The following SEC14L6 variants were observed in gnomAD, a reference collection of about 807,000 sequenced individuals.
SEC14L6 encodes the protein SEC14 like lipid binding 6.
In SEC14L6, 40 loss-of-function variants were observed where a neutral mutation model predicts 54.1. That is an observed-to-expected ratio of 0.74 (90% CI 0.57 to 0.96). SEC14L6 has a LOEUF of 0.96. SEC14L6 is among the 40% of genes least tolerant of loss of function. The pLI, the probability that SEC14L6 is intolerant of heterozygous loss-of-function variation, is 0.00. For synonymous variants in SEC14L6, 171 were observed against 198.4 expected (o/e 0.86, Z 1.16); for missense variants, 471 against 498.3 (o/e 0.95, Z 0.52).
chr22:30,543,258 G>A, intron 1 of SEC14L6: 1 of 1,593,884 alleles, frequency 6.3e-7, no homozygotes, highest in Non-Finnish European at 8.6e-7. Context: ...TCTGCGAGGT[G>A]GCCCACGTCA....
rs772014266 is a variant in SEC14L6, at chr22:30,525,633, G to T, written c.889C>A (p.Leu297Met). The stretch of plus-strand genomic sequence containing the variant: ...TACCTGAGCACACAGCCCGGGAACA[G>T]GATCTCGTTCTCCACCTGCAGGGAG... Reference protein sequence around the residue: ...GSSLQVENEILFPGCVLRWQF... With the variant: ...GSSLQVENEIMFPGCVLRWQF... Residue 297 changes from leucine (L) to methionine (M), a missense_variant, in exon 10 of 12, where the codon CTG becomes ATG. Physicochemically the swap from Leu to Met is conservative, Grantham distance 15. Coordinates refer to ENST00000402034, the MANE Select transcript of SEC14L6 (RefSeq NM_001193336.4). 2.5e-5 allele frequency: 41 copies of T among 1,608,954 alleles called. No homozygotes were observed. Among genetic ancestry groups the T allele is most frequent in the Non-Finnish European group, 2.5e-6 (3 of 1,177,968 alleles).
At chr22:30,536,689 G>T (rs1263944060) in intron 2 of SEC14L6, among the ~76,000 whole-genome samples, 1 of 152,014 alleles carries the variant, frequency 6.6e-6, no homozygotes, top group Non-Finnish European at 1.5e-5. Context: ...TACCTAATTG[G>T]GTTGAACAAG....
chr22:30,546,195 C>T (rs749750871), intron 1 of SEC14L6, among the ~76,000 whole-genome samples: 2 of 151,872 alleles, frequency 1.3e-5, no homozygotes, highest in Non-Finnish European at 2.9e-5. Flanking sequence ...CCAGCCTGAC[C>T]AACGTGGTTA....
chr22:30,542,478 A>AT lies in SEC14L6; in HGVS notation c.55-3577_55-3576insA, dbSNP rs995964593. 1.7e-5 allele frequency: 10 copies of AT among 575,258 alleles called. No homozygotes were observed. In the African/African-American group the frequency reaches 2.0e-4, roughly 12 times the overall value. 35.6% of individuals were successfully genotyped at this position (575,258 alleles called of 1,614,324 possible). On this transcript the variant is annotated intron_variant, in intron 1 of 11. Coordinates refer to ENST00000402034, the MANE Select transcript of SEC14L6 (RefSeq NM_001193336.4). ...TCGCAGCGCTGACCTCAGAAAAACAAGTTTGCGCAAAGTGGAGCGGGGACC... is the reference window on the plus strand; with the variant it reads ...TCGCAGCGCTGACCTCAGAAAAACAATGTTTGCGCAAAGTGGAGCGGGGACC...
rs1936678341 is a variant in SEC14L6 at position 30,523,730 on chromosome 22, G to A, written c.*1267C>T. On this transcript the variant is annotated 3_prime_UTR_variant, in exon 12 of 12. Transcript: ENST00000402034. ...CAGATTCTCAGATGCTATAACAGTG[G>A]GAGGGAACGTGTATGTGGAAGACAG... The A allele has an allele frequency of 6.6e-6, 1 of 152,168 alleles. No individual in the cohort carries two copies. The highest frequency in any genetic ancestry group is 2.1e-4 in the South Asian group (1 of 4,826). The allele number at this position is 152,168 out of a possible 1,614,324, so 9.4% of individuals were successfully genotyped here. A position where few individuals can be genotyped will look rare whatever the true frequency, so the allele number is the denominator to read the frequency against.
At position 30,523,169 on chromosome 22, in the gene SEC14L6, G is replaced by A. The variant is rs1936659821; in HGVS notation, c.*1828C>T. On this transcript the variant is annotated 3_prime_UTR_variant, in exon 12 of 12. Transcript: ENST00000402034. ...GGATTCCTGTAAAGTAGGCAATTAG[G>A]GAAGAACTTTGGCTGTCATTTGGGG... 1 of 152,180 alleles carries A rather than the reference G, an allele frequency of 6.6e-6. No homozygotes were observed. The highest frequency in any genetic ancestry group is 6.6e-5 in the Admixed American group (1 of 15,260). The allele number at this position is 152,180 out of a possible 1,614,324, so 9.4% of individuals were successfully genotyped here. A position where few individuals can be genotyped will look rare whatever the true frequency, so the allele number is the denominator to read the frequency against.
chr22:30,525,871 C>A lies in SEC14L6; in HGVS notation c.726G>T (p.Gly242=), dbSNP rs747364040. Residue 242 remains glycine, a synonymous_variant, in exon 9 of 12, where the codon GGG becomes GGT. Coordinates refer to ENST00000402034, the MANE Select transcript of SEC14L6 (RefSeq NM_001193336.4). ...ISPDQLPVEF[G]GTMTDPDGNP... ...TGCCATCGGGGTCAGTCATGGTCCCCCCAAACTCCACGGGCAGCTGGTCGG... is the reference window on the plus strand; with the variant it reads ...TGCCATCGGGGTCAGTCATGGTCCCACCAAACTCCACGGGCAGCTGGTCGG... 7 of 1,613,594 alleles carry A rather than the reference C, an allele frequency of 4.3e-6. No homozygotes were observed. In the African/African-American group the frequency reaches 8.0e-5, roughly 18 times the overall value.
intron 11 of SEC14L6, 42 bp downstream of exon 11, chr22:30,525,308 T>C: frequency 6.3e-7 from 1 of 1,599,968 alleles, no homozygotes; most frequent in East Asian, 2.3e-5. Flanking sequence ...ACCCTCCCCC[T>C]AGCCCCCAGC....
chr22:30,526,466 A>C (rs1249513328), intron 8 of SEC14L6, among the ~76,000 whole-genome samples: 1 of 152,246 alleles, frequency 6.6e-6, no homozygotes, highest in East Asian at 1.9e-4. Context: ...GGAACAAAGT[A>C]GACGAAAGCA....
Position 30,524,659 on chromosome 22 carries a change from G to A in SEC14L6, c.*338C>T, listed in dbSNP as rs899076073. The A allele has an allele frequency of 3.2e-5, 6 of 189,962 alleles. No homozygotes were observed. Among genetic ancestry groups the A allele is most frequent in the Admixed American group, 2.8e-4 (5 of 17,982 alleles). 11.8% of individuals were successfully genotyped at this position (189,962 alleles called of 1,614,324 possible). ...CCCAAAGTGCTGGGATTACAGGTAT[G>A]AGCCACCATGCCTGGCCTAATACTA... On this transcript the variant is annotated 3_prime_UTR_variant, in exon 12 of 12. Transcript: ENST00000402034.
intron 1 of SEC14L6, among the ~76,000 whole-genome samples, chr22:30,545,525 G>A (rs1251696567): frequency 2.0e-5 from 3 of 152,100 alleles, no homozygotes; most frequent in African/African-American, 7.2e-5. Flanking sequence ...CTCCCGAGTA[G>A]CTGGGACTAC....
chr22:30,541,531 C>G (rs549765919), intron 1 of SEC14L6, among the ~76,000 whole-genome samples: 1 of 152,104 alleles, frequency 6.6e-6, no homozygotes, highest in Admixed American at 6.5e-5. Flanking sequence ...TGGTGGCACA[C>G]GCCTGTGATC....
chr22:30,546,424 A>G lies in SEC14L6; in HGVS notation c.54+205T>C, dbSNP rs140774729. On this transcript the variant is annotated intron_variant, in intron 1 of 11. Transcript: ENST00000402034. Reference sequence around the variant, plus strand: ...AAAAAAAAGGAAGAAAGAAAATTTCAAATGACCTATGTGGCTTGCGTTTGT... The same window carrying G: ...AAAAAAAAGGAAGAAAGAAAATTTCGAATGACCTATGTGGCTTGCGTTTGT... 8.7e-3 allele frequency among the ~76,000 whole-genome samples: 1,318 copies of G among 151,008 alleles called. 13 individuals are homozygous for G. The highest frequency in any genetic ancestry group is 0.034 in the Middle Eastern group (10 of 290).
chr22:30,524,803 G>T lies in SEC14L6; in HGVS notation c.*194C>A. On this transcript the variant is annotated 3_prime_UTR_variant, in exon 12 of 12. Coordinates refer to ENST00000402034, the MANE Select transcript of SEC14L6 (RefSeq NM_001193336.4). ...GATGGAGTGTCTGTGTTGCTTTGCT[G>T]TGACCATCGGGCCACCACTAGGACA... The T allele has an allele frequency of 1.8e-6, 1 of 553,130 alleles. No homozygotes were observed. The highest frequency in any genetic ancestry group is 3.3e-6 in the Non-Finnish European group (1 of 306,206). 34.3% of individuals were successfully genotyped at this position (553,130 alleles called of 1,614,324 possible). A position where few individuals can be genotyped will look rare whatever the true frequency, so the allele number is the denominator to read the frequency against.
chr22:30,542,047 A>G (rs1277928152), intron 1 of SEC14L6, among the ~76,000 whole-genome samples: 1 of 152,164 alleles, frequency 6.6e-6, no homozygotes, highest in Non-Finnish European at 1.5e-5. Context: ...CAGGACGCGA[A>G]AGGGCAGGCC....
rs751646266 is a variant in SEC14L6 at position 30,532,790 on chromosome 22, T to A, written c.234+7A>T. On this transcript the variant is annotated splice_region_variant and intron_variant, in intron 4 of 11. Coordinates refer to ENST00000402034, the MANE Select transcript of SEC14L6 (RefSeq NM_001193336.4). ...GGGATCAGGGTATGGGTTTGAGAGA[T>A]GCTCACCTCTGGGGGCTGCCAGGCA... 6.2e-7 allele frequency: 1 copy of A among 1,612,524 alleles called. No homozygotes were observed. Among genetic ancestry groups the A allele is most frequent in the African/African-American group, 1.3e-5 (1 of 74,914 alleles).
At chr22:30,542,358 T>C (rs946324293) in intron 1 of SEC14L6, among the ~76,000 whole-genome samples, 1 of 151,914 alleles carries the variant, frequency 6.6e-6, no homozygotes, top group Non-Finnish European at 1.5e-5. Context: ...CTCTCGCCAG[T>C]GGGAAGCGGG....
intron 4 of SEC14L6, 41 bp from the exon 5 acceptor site, chr22:30,532,754 C>T: frequency 6.2e-7 from 1 of 1,602,602 alleles, no homozygotes. Flanking sequence ...GTGCCGAGGG[C>T]TGAGGGCCCA....
At position 30,546,661 on chromosome 22, in the gene SEC14L6, G is replaced by T; in HGVS notation, c.22C>A (p.Leu8Met). 6.4e-7 allele frequency: 1 copy of T among 1,550,514 alleles called. No individual in the cohort carries two copies. The highest frequency in any genetic ancestry group is 1.2e-5 in the South Asian group (1 of 84,064). MSGQVGD[L>M]SPSQEKSLAQ... ...AGCGACTTCTCCTGCGATGGGCTCA[G>T]GTCACCCACTTGTCCACTCATGCTG... The change falls in exon 1 of 12, where the codon CTG becomes ATG. Residue 8 changes from leucine to methionine, a missense_variant. Leu to Met is a conservative substitution (Grantham distance 15). Transcript: ENST00000402034.
Sources: gnomAD v4.1 joint callset for allele counts (sites outside exome capture counted in the v4.1 genomes callset) on GRCh38, gnomAD v4.1.1 for gene constraint, MANE v1.5 for transcripts, NCBI Gene and HGNC (gene_info 2026-07-23, HGNC 2026-07-21) for gene names.